ASPHD1: variants seen among roughly 807,000 people sequenced by gnomAD.
ASPHD1 encodes aspartate beta-hydroxylase domain containing 1.
A neutral mutation model predicts 28.3 loss-of-function variants in ASPHD1; 20 were observed. That is an observed-to-expected ratio of 0.71 (90% CI 0.50 to 1.03). ASPHD1 has a LOEUF of 1.03. Among genes scored for constraint, ASPHD1 ranks in the 50% least tolerant of loss-of-function variants. The probability of loss-of-function intolerance (pLI) is 0.00; values close to 1 mark genes in which losing one functional copy is unlikely to be tolerated. For synonymous variants in ASPHD1, 240 were observed against 221.2 expected (o/e 1.08, Z -0.75); for missense variants, 479 against 524.1 (o/e 0.91, Z 0.84).
At chr16:29,902,389 A>T (rs1170930693) in intron 1 of ASPHD1, among the ~76,000 whole-genome samples, 1 of 152,196 alleles carries the variant, frequency 6.6e-6, no homozygotes, top group East Asian at 1.9e-4. Context: ...AGATTGTGCT[A>T]CTGCACTCCA....
At position 29,905,778 on chromosome 16, in the gene ASPHD1, T is replaced by C; in HGVS notation, c.1064-10T>C. ...CAGTGGCTCTGCTGTTCCTGTCCCA[T>C]GTGCCCTAGGCTCCCCCGAAGATGG... On this transcript the variant is annotated splice_polypyrimidine_tract_variant and intron_variant, in intron 2 of 2. Coordinates refer to ENST00000308748, the MANE Select transcript of ASPHD1 (RefSeq NM_181718.4). 3 of 1,610,430 alleles carry C rather than the reference T, an allele frequency of 1.9e-6. No homozygotes were observed. Among genetic ancestry groups the C allele is most frequent in the Non-Finnish European group, 2.5e-6 (3 of 1,176,938 alleles).
downstream of ASPHD1, chr16:29,906,416 G>A: frequency 1.8e-5 from 7 of 386,498 alleles, no homozygotes; most frequent in South Asian, 1.3e-4. Flanking sequence ...TGATAACGCT[G>A]AGCTGGGCAG....
intron 3 of ASPHD1, among the ~76,000 whole-genome samples, chr16:29,918,787 A>G (rs554686465): frequency 1.3e-5 from 2 of 152,300 alleles, no homozygotes; most frequent in South Asian, 4.1e-4. Context: ...CCTCCTGAGT[A>G]GCTGGGATTA....
chr16:29,904,732 AAGG>A, intron 1 of ASPHD1, 117 bp from the exon 2 acceptor site: 3 of 607,956 alleles, frequency 4.9e-6, no homozygotes, highest in South Asian at 2.1e-5. Context: ...TCTGGAAAGA[AAGG>A]AGGATGACCA....
Position 29,901,365 on chromosome 16 carries a change from G to A in ASPHD1, c.394G>A (p.Gly132Ser), listed in dbSNP as rs894309268. 2.5e-6 allele frequency: 4 copies of A among 1,594,808 alleles called. No homozygotes were observed. The highest frequency in any genetic ancestry group is 2.7e-5 in the African/African-American group (2 of 74,292). Residue 132 changes from glycine (G) to serine (S), a missense_variant, in exon 1 of 3, where the codon GGT (glycine) becomes AGT (serine). By Grantham distance (56) the Gly-to-Ser change is moderately conservative (BLOSUM62 0). Coordinates refer to ENST00000308748, the MANE Select transcript of ASPHD1 (RefSeq NM_181718.4). This position sits in a 1 kb window ranked among gnomAD's most constrained non-coding sequence, Gnocchi z 5.1. The stretch of plus-strand genomic sequence containing the variant: ...GGAGGCCGGCGGGCCAAGCCCAGGG[G>A]GTCCTGGGGATCCCGGGGAAGGACC... ...CSEAGGPSPG[G>S]PGDPGEGPRT... is the part of the protein sequence containing the mutation.
Position 29,904,899 on chromosome 16 carries a change from C to T in ASPHD1, c.997C>T (p.Gln333Ter). 1 of 1,613,202 alleles carries T rather than the reference C, an allele frequency of 6.2e-7. No individual in the cohort carries two copies. Among genetic ancestry groups the T allele is most frequent in the Non-Finnish European group, 8.5e-7 (1 of 1,179,792 alleles). The change falls in exon 2 of 3, where the codon CAG (glutamine) becomes TAG (stop). Residue 333 changes from glutamine to a stop codon, truncating the protein, a stop_gained. Coordinates refer to ENST00000308748, the MANE Select transcript of ASPHD1 (RefSeq NM_181718.4). LOFTEE classifies it high-confidence loss of function. The part of the protein sequence containing the change: ...GCELVVGGEP[Q>*]CWAEGHCLLV... The stretch of plus-strand genomic sequence containing the variant: ...TGAGCTGGTGGTCGGCGGTGAGCCC[C>T]AGTGCTGGGCTGAGGGGCACTGTCT...
At chr16:29,906,124 A>C, downstream of ASPHD1, 1 of 354,414 alleles carries the variant, frequency 2.8e-6, no homozygotes, top group Non-Finnish European at 5.1e-6. Context: ...GTACAACCAA[A>C]CAGGTACCTC....
In ASPHD1 at chr16:29,900,563, CA is replaced by C. The variant is rs1597001330; in HGVS notation, c.-408del. ...AGAGGGCTCCGGGAAGGAGTGACGT[CA>C]GGGTGAGTGGGAGCCCAGGAAGGAG... On this transcript the variant is annotated 5_prime_UTR_variant, in exon 1 of 3. Transcript: ENST00000308748. 1 of 207,390 alleles carries C rather than the reference CA, an allele frequency of 4.8e-6. No homozygotes were observed. Among genetic ancestry groups the C allele is most frequent in the East Asian group, 1.4e-4 (1 of 7,364 alleles). The allele number at this position is 207,390 out of a possible 1,614,324, so 12.8% of individuals were successfully genotyped here. A position where few individuals can be genotyped will look rare whatever the true frequency, so the allele number is the denominator to read the frequency against.
downstream of ASPHD1, among the ~76,000 whole-genome samples, chr16:29,907,604 T>C (rs2150831974): frequency 6.6e-6 from 1 of 151,664 alleles, no homozygotes; most frequent in African/African-American, 2.4e-5. Flanking sequence ...CTGGGCAACA[T>C]GGTGTAACCC....
chr16:29,901,938 A>G lies in ASPHD1; in HGVS notation c.949+18A>G. 1 of 1,455,378 alleles carries G rather than the reference A, an allele frequency of 6.9e-7. No individual in the cohort carries two copies. The allele number at this position is 1,455,378 out of a possible 1,614,324, so 90.2% of individuals were successfully genotyped here. ...CCATCTGGGTAAGTAGCTGCCGCCT[A>G]CTGACAACCTCCTTGCCTCGATGAT... On this transcript the variant is annotated intron_variant, in intron 1 of 2. Coordinates refer to ENST00000308748, the MANE Select transcript of ASPHD1 (RefSeq NM_181718.4). The surrounding 1 kb of genome is among the most constrained non-coding windows in gnomAD (Gnocchi z 5.1).
Position 29,912,414 on chromosome 16 carries a change from C to G in ASPHD1, c.*62+6455C>G. The G allele has an allele frequency of 8.7e-6, 3 of 346,360 alleles. No homozygotes were observed. In the South Asian group the frequency reaches 1.1e-4, roughly 13 times the overall value. 21.5% of individuals were successfully genotyped at this position (346,360 alleles called of 1,614,324 possible). On this transcript the variant is annotated intron_variant and NMD_transcript_variant, in intron 3 of 3. Coordinates refer to the ASPHD1 transcript ENST00000414952. The stretch of plus-strand genomic sequence containing the variant: ...CAGCCCCCCTGGCTAAAACAGCCTC[C>G]TCTACATCCTGCCTTTTGTGTTATC...
At chr16:29,910,942 C>G, downstream of ASPHD1, 5 of 1,586,300 alleles carry the variant, frequency 3.2e-6, no homozygotes, top group Non-Finnish European at 4.3e-6. Flanking sequence ...CCTGGCCACC[C>G]CCAGCCCCCA....
Position 29,901,941 on chromosome 16 carries a change from G to A in ASPHD1, c.949+21G>A. The A allele has an allele frequency of 6.9e-7, 1 of 1,452,716 alleles. No homozygotes were observed. The highest frequency in any genetic ancestry group is 9.1e-7 in the Non-Finnish European group (1 of 1,103,378). 90.0% of individuals were successfully genotyped at this position (1,452,716 alleles called of 1,614,324 possible). A position where few individuals can be genotyped will look rare whatever the true frequency, so the allele number is the denominator to read the frequency against. On this transcript the variant is annotated intron_variant, in intron 1 of 2. Coordinates refer to ENST00000308748, the MANE Select transcript of ASPHD1 (RefSeq NM_181718.4). The surrounding 1 kb of genome is among the most constrained non-coding windows in gnomAD (Gnocchi z 5.1). The stretch of plus-strand genomic sequence containing the variant: ...TCTGGGTAAGTAGCTGCCGCCTACT[G>A]ACAACCTCCTTGCCTCGATGATTTC...
rs1229561165 is a variant in ASPHD1, at chr16:29,901,320, G to C, written c.349G>C (p.Gly117Arg). Residue 117 changes from glycine to arginine, a missense_variant, in exon 1 of 3, where the codon GGT (glycine) becomes CGT (arginine). By Grantham distance (125) the Gly-to-Arg change is moderately radical. Transcript: ENST00000308748. The surrounding 1 kb of genome is among the most constrained non-coding windows in gnomAD (Gnocchi z 5.1). The part of the protein sequence containing the change: ...GAGSRAGGVR[G>R]GPVGCSEAGG... ...TGGGAGCCGAGCTGGGGGTGTTCGT[G>C]GTGGGCCTGTGGGATGCTCGGAGGC... 6.2e-6 allele frequency: 10 copies of C among 1,610,064 alleles called. No homozygotes were observed. The highest frequency in any genetic ancestry group is 8.5e-6 in the Non-Finnish European group (10 of 1,178,888).
At chr16:29,907,991 A>G (rs561671061), downstream of ASPHD1, among the ~76,000 whole-genome samples, 139 of 151,372 alleles carry the variant, frequency 9.2e-4, no homozygotes, top group Admixed American at 4.0e-3. Context: ...AAAAAAAAAA[A>G]AGAGAGAGAG....
At chr16:29,911,578 A>C (rs1330134526) in intron 3 of ASPHD1, 1 of 595,080 alleles carries the variant, frequency 1.7e-6, no homozygotes, top group East Asian at 2.8e-5. Flanking sequence ...AGCACTTGGG[A>C]TAGGCTCGCC....
Position 29,901,261 on chromosome 16 carries a change from G to T in ASPHD1, c.290G>T (p.Arg97Leu), listed in dbSNP as rs150342901. The T allele has an allele frequency of 4.3e-6, 7 of 1,613,292 alleles. No individual in the cohort carries two copies. Among genetic ancestry groups the T allele is most frequent in the East Asian group, 2.2e-5 (1 of 44,856 alleles). Reference protein sequence around the residue: ...LTSLFLWYCYRLGSQDMQALG... With the variant: ...LTSLFLWYCYLLGSQDMQALG... ...TCCCTGTTCCTCTGGTACTGCTACCGCCTGGGCTCCCAAGACATGCAGGCC... is the reference window on the plus strand; with the variant it reads ...TCCCTGTTCCTCTGGTACTGCTACCTCCTGGGCTCCCAAGACATGCAGGCC... The change falls in exon 1 of 3, where the codon CGC becomes CTC. Residue 97 changes from arginine to leucine, a missense_variant. Coordinates refer to ENST00000308748, the MANE Select transcript of ASPHD1 (RefSeq NM_181718.4). The surrounding 1 kb of genome is among the most constrained non-coding windows in gnomAD (Gnocchi z 5.1).
intron 1 of ASPHD1, among the ~76,000 whole-genome samples, chr16:29,902,859 A>T (rs1445215972): frequency 6.9e-6 from 1 of 145,226 alleles, no homozygotes. Context: ...TCAAAGTTAC[A>T]GTAGCACCAA....
chr16:29,905,993 GC>G lies in ASPHD1; in HGVS notation c.*97del. The G allele has an allele frequency of 1.3e-6, 1 of 757,336 alleles. No individual in the cohort carries two copies. The highest frequency in any genetic ancestry group is 2.1e-6 in the Non-Finnish European group (1 of 472,282). 46.9% of individuals were successfully genotyped at this position (757,336 alleles called of 1,614,324 possible). On this transcript the variant is annotated 3_prime_UTR_variant, in exon 3 of 3. Transcript: ENST00000308748. ...GACCTCCTCTCTACTGCGGGGGTGG[GC>G]GGGGGCGGAGGATGGGAACTGGCTA...
Sources: allele counts gnomAD v4.1 joint callset (sites outside exome capture counted in the v4.1 genomes callset), GRCh38; gene constraint gnomAD v4.1.1; non-coding constraint Gnocchi (gnomAD v3.1); transcripts MANE v1.5; gene names NCBI Gene and HGNC (gene_info 2026-07-23, HGNC 2026-07-21).